LTN1: variants seen among roughly 807,000 people sequenced by gnomAD.
LTN1 encodes the protein E3 ubiquitin-protein ligase listerin.
In LTN1, 88 loss-of-function variants were observed where a neutral mutation model predicts 201.2. The observed-to-expected ratio is 0.44, with a 90% CI of 0.37 to 0.52. The LOEUF (loss-of-function observed/expected upper bound fraction) is 0.52. Among genes scored for constraint, LTN1 ranks in the 20% least tolerant of loss-of-function variants. The pLI, the probability that LTN1 is intolerant of heterozygous loss-of-function variation, is 0.00. For synonymous variants in LTN1, 645 were observed against 713.5 expected (o/e 0.90, Z 1.53); for missense variants, 1,752 against 2,038.7 (o/e 0.86, Z 2.71).
At chr21:28,939,445 A>G (rs2832142) in intron 25 of LTN1, among the ~76,000 whole-genome samples, 35,736 of 152,190 alleles carry the variant, frequency 0.23, 4,516 homozygotes, top group South Asian at 0.28. Context: ...ACACATGTAC[A>G]TATACAACTT....
chr21:28,946,239 CT>C lies in LTN1; in HGVS notation c.3535del (p.Ser1179ValfsTer2). The C allele has an allele frequency of 6.3e-7, 1 of 1,587,654 alleles. No individual in the cohort carries two copies. The highest frequency in any genetic ancestry group is 1.2e-5 in the South Asian group (1 of 84,990). Reference sequence around the variant, plus strand: ...ATGTAATAGCTCTCCATCATCTATACTTTTGGTTTGCAGACAAGAATTGAAA... The same window carrying C: ...ATGTAATAGCTCTCCATCATCTATACTTTGGTTTGCAGACAAGAATTGAAA... ...AIFNSCLQTK[S>X]IDDGELLHGI... On this transcript the variant is annotated frameshift_variant, in exon 20 of 30. Transcript: ENST00000361371. LOFTEE classifies it high-confidence loss of function.
intron 11 of LTN1, among the ~76,000 whole-genome samples, chr21:28,965,523 G>C (rs1209051467): frequency 6.6e-6 from 1 of 152,038 alleles, no homozygotes; most frequent in Non-Finnish European, 1.5e-5. Context: ...ATCCATTTCT[G>C]CAGTAGAAAA....
chr21:28,940,002 A>C (rs1159642420), intron 25 of LTN1, among the ~76,000 whole-genome samples: 3 of 152,252 alleles, frequency 2.0e-5, no homozygotes, highest in African/African-American at 7.2e-5. Flanking sequence ...GTACCAGGGT[A>C]TAGGGTATGA....
At chr21:28,947,774 GGTTT>G (rs1368639491) in intron 18 of LTN1, among the ~76,000 whole-genome samples, 168 bp from the exon 19 acceptor site, 2 of 151,160 alleles carry the variant, frequency 1.3e-5, no homozygotes, top group Admixed American at 1.3e-4. Context: ...TGATGAAATT[GGTTT>G]TTTTTGCTCC....
chr21:28,960,824 C>A, intron 11 of LTN1, 118 bp from the exon 12 acceptor site: 1 of 634,020 alleles, frequency 1.6e-6, no homozygotes, highest in African/African-American at 1.8e-5. Flanking sequence ...TCTATCCCCC[C>A]TCCTCCTCCT....
chr21:28,984,160 C>T (rs1476417375), intron 4 of LTN1, among the ~76,000 whole-genome samples: 2 of 150,848 alleles, frequency 1.3e-5, no homozygotes, highest in African/African-American at 4.9e-5. Context: ...GTAAGTATCA[C>T]TCCCACAAGG....
At chr21:28,971,014 T>C (rs1360430294) in intron 7 of LTN1, among the ~76,000 whole-genome samples, 2 of 152,230 alleles carry the variant, frequency 1.3e-5, no homozygotes, top group Non-Finnish European at 2.9e-5. Flanking sequence ...GGGACAATTA[T>C]ATTTCAATCT....
intron 12 of LTN1, 22 bp from the exon 13 acceptor site, chr21:28,959,719 C>T: frequency 6.5e-7 from 1 of 1,543,814 alleles, no homozygotes; most frequent in Non-Finnish European, 8.7e-7. Flanking sequence ...AAGGTTCAAA[C>T]AGACAAAAAA....
intron 6 of LTN1, among the ~76,000 whole-genome samples, chr21:28,978,446 G>GT (rs2084633461): frequency 6.6e-6 from 1 of 152,188 alleles, no homozygotes; most frequent in Admixed American, 6.5e-5. Flanking sequence ...GAAGAAAAAT[G>GT]TAACTAGATC....
rs373240537 is a variant in LTN1 at position 28,962,207 on chromosome 21, A to G, written c.2164-1501T>C. ...ATAAAATGCCTCTCGAGTTAGCAAGATAAGAAATTCAACATAATGTACAGG... is the reference window on the plus strand; with the variant it reads ...ATAAAATGCCTCTCGAGTTAGCAAGGTAAGAAATTCAACATAATGTACAGG... On this transcript the variant is annotated intron_variant, in intron 11 of 29. Transcript: ENST00000361371. 1.2e-4 allele frequency among the ~76,000 whole-genome samples: 18 copies of G among 152,204 alleles called. No individual in the cohort carries two copies. In the East Asian group the frequency reaches 1.3e-3, roughly 11 times the overall value.
chr21:28,958,276 C>A, intron 14 of LTN1, 110 bp downstream of exon 14: 1 of 1,006,210 alleles, frequency 9.9e-7, no homozygotes, highest in Non-Finnish European at 1.4e-6. Flanking sequence ...ATTATAGGGA[C>A]GAGCCCTACA....
chr21:28,978,420 C>T (rs2084633181), intron 6 of LTN1, among the ~76,000 whole-genome samples: 1 of 152,100 alleles, frequency 6.6e-6, no homozygotes, highest in South Asian at 2.1e-4. Flanking sequence ...GTTAGGAAAA[C>T]TGACTCACCA....
intron 5 of LTN1, 101 bp downstream of exon 5, chr21:28,982,215 T>TA (rs2084664202): frequency 6.0e-6 from 6 of 994,838 alleles, no homozygotes; most frequent in Non-Finnish European, 9.3e-6. Context: ...AGACTCTGTC[T>TA]CAAAAAAAAA....
At chr21:28,980,302 C>G (rs546535793) in intron 6 of LTN1, among the ~76,000 whole-genome samples, 10 of 145,074 alleles carry the variant, frequency 6.9e-5, no homozygotes, top group African/African-American at 2.3e-4. Context: ...AGTTTTAGTG[C>G]TGTTGGCCGT....
chr21:28,941,053 G>A (rs1412109585), intron 25 of LTN1, among the ~76,000 whole-genome samples, 167 bp downstream of exon 25: 2 of 152,100 alleles, frequency 1.3e-5, no homozygotes, highest in Admixed American at 6.6e-5. Flanking sequence ...TTCCAGCACA[G>A]GCAACAGAGT....
intron 11 of LTN1, chr21:28,964,447 A>G: frequency 3.8e-6 from 3 of 782,414 alleles, no homozygotes; most frequent in Non-Finnish European, 5.6e-6. Context: ...TAAGATATGT[A>G]CATTGGTTTT....
Position 28,953,276 on chromosome 21 carries a change from C to G in LTN1, c.3180G>C (p.Thr1060=). The G allele has an allele frequency of 6.2e-7, 1 of 1,604,820 alleles. No individual in the cohort carries two copies. The highest frequency in any genetic ancestry group is 8.5e-7 in the Non-Finnish European group (1 of 1,177,296). The stretch of plus-strand genomic sequence containing the variant: ...TACCAAGTACACGTAAGTTATCATA[C>G]GTAATATTCATTTTTTGAAGTATTT... ...FCEILQKMNI[T]YDNLRVLGNT... The change falls in exon 17 of 30, where the codon ACG becomes ACC. Residue 1060 remains threonine (T), a synonymous_variant. Transcript: ENST00000361371.
At chr21:28,957,205 C>A (rs975719729) in intron 15 of LTN1, 127 bp downstream of exon 15, 1 of 947,798 alleles carries the variant, frequency 1.1e-6, no homozygotes, top group Non-Finnish European at 1.5e-6. Context: ...TATGAGCATA[C>A]AAAGACATCA....
chr21:28,933,072 C>T (rs1195897579), intron 27 of LTN1, among the ~76,000 whole-genome samples: 1 of 152,144 alleles, frequency 6.6e-6, no homozygotes, highest in Non-Finnish European at 1.5e-5. Flanking sequence ...AGCCAACTAT[C>T]AACTGTCAGA....
Sources: gnomAD v4.1 joint callset for allele counts (sites outside exome capture counted in the v4.1 genomes callset) on GRCh38, gnomAD v4.1.1 for gene constraint, MANE v1.5 for transcripts, NCBI Gene and HGNC (gene_info 2026-07-23, HGNC 2026-07-21) for gene names.